Variants in SUGCT observed in about 807,000 individuals in gnomAD.
SUGCT encodes succinyl-CoA:glutarate-CoA transferase, also known as succinyl-CoA:glutarate CoA-transferase.
A neutral mutation model predicts 55.0 loss-of-function variants in SUGCT; 41 were observed. The observed-to-expected ratio is 0.74, with a 90% CI of 0.58 to 0.97. The LOEUF is 0.97. Among genes scored for constraint, SUGCT ranks in the 50% least tolerant of loss-of-function variants. The pLI is 0.00. For synonymous variants in SUGCT, 187 were observed against 200.4 expected (o/e 0.93, Z 0.56); for missense variants, 568 against 547.8 (o/e 1.04, Z -0.37).
intron 1 of SUGCT, among the ~76,000 whole-genome samples, chr7:40,146,444 A>C: frequency 6.6e-6 from 1 of 152,240 alleles, no homozygotes; most frequent in Non-Finnish European, 1.5e-5. Flanking sequence ...TAGGGGTCTC[A>C]CAGCCTTCAG....
downstream of SUGCT, among the ~76,000 whole-genome samples, chr7:40,861,993 A>G (rs932011519): frequency 2.6e-5 from 4 of 152,232 alleles, no homozygotes; most frequent in African/African-American, 7.2e-5. Context: ...TACATTTAAT[A>G]TGAAAAATGG....
At chr7:40,898,987 A>AG in the SUGCT span, among the ~76,000 whole-genome samples, 2 of 151,840 alleles carry the variant, frequency 1.3e-5, no homozygotes, top group African/African-American at 4.8e-5. Flanking sequence ...GGGGCTGGGG[A>AG]GGGGGGTCTA....
chr7:40,368,949 CA>C (rs1246198572), intron 9 of SUGCT, among the ~76,000 whole-genome samples: 3 of 151,872 alleles, frequency 2.0e-5, no homozygotes, highest in Non-Finnish European at 4.4e-5. Context: ...ACTAAAAATA[CA>C]AAAATTAGCT....
At chr7:40,346,725 T>G (rs1347193802) in intron 9 of SUGCT, among the ~76,000 whole-genome samples, 1 of 152,068 alleles carries the variant, frequency 6.6e-6, no homozygotes, top group Non-Finnish European at 1.5e-5. Flanking sequence ...AAGGAAGTAA[T>G]TATGGTTAAA....
chr7:40,712,310 A>G (rs1785767991), intron 12 of SUGCT, among the ~76,000 whole-genome samples: 1 of 152,224 alleles, frequency 6.6e-6, no homozygotes, highest in Admixed American at 6.5e-5. Flanking sequence ...CCTCCTCTTA[A>G]CCACAAGTAA....
intron 11 of SUGCT, among the ~76,000 whole-genome samples, chr7:40,479,184 A>G (rs1009609485): frequency 2.6e-5 from 4 of 152,164 alleles, no homozygotes; most frequent in African/African-American, 9.7e-5. Context: ...GCATGCTGAA[A>G]TGAACATGAG....
intron 1 of SUGCT, among the ~76,000 whole-genome samples, chr7:40,173,912 C>CGT (rs1163266771): frequency 1.9e-5 from 2 of 107,442 alleles, no homozygotes; most frequent in Admixed American, 9.7e-5. Flanking sequence ...TAATGTATAT[C>CGT]CTGTGTGTGT....
the SUGCT span, among the ~76,000 whole-genome samples, chr7:41,022,871 A>T: frequency 1.3e-5 from 2 of 152,238 alleles, no homozygotes; most frequent in Non-Finnish European, 2.9e-5. Flanking sequence ...AGTATTTGTC[A>T]TAAATATAAA....
intron 12 of SUGCT, among the ~76,000 whole-genome samples, chr7:40,542,866 G>GTA (rs1794772488): frequency 6.6e-6 from 1 of 152,120 alleles, no homozygotes; most frequent in Non-Finnish European, 1.5e-5. Flanking sequence ...AAACATGGGG[G>GTA]AAATGGCCAT....
the SUGCT span, among the ~76,000 whole-genome samples, chr7:40,890,741 G>A: frequency 6.6e-6 from 1 of 152,174 alleles, no homozygotes; most frequent in Non-Finnish European, 1.5e-5. Context: ...TTCTTCAGAT[G>A]CATAGCCACA....
chr7:40,901,380 A>G, the SUGCT span, among the ~76,000 whole-genome samples: 1 of 152,176 alleles, frequency 6.6e-6, no homozygotes, highest in East Asian at 1.9e-4. Flanking sequence ...GTTTCAACTT[A>G]TGGGGAATTT....
chr7:40,683,024 C>CTTT, intron 12 of SUGCT, among the ~76,000 whole-genome samples: 1 of 151,918 alleles, frequency 6.6e-6, no homozygotes, highest in Non-Finnish European at 1.5e-5. Context: ...GATTCCTTTG[C>CTTT]ATTTTTTTAA....
At chr7:40,843,732 G>A (rs149676215) in intron 13 of SUGCT, among the ~76,000 whole-genome samples, 33 of 152,094 alleles carry the variant, frequency 2.2e-4, no homozygotes, top group African/African-American at 7.2e-4. Flanking sequence ...GAAGGCACAG[G>A]GTGGCTTGGT....
chr7:40,985,233 C>A, the SUGCT span, among the ~76,000 whole-genome samples: 340 of 152,254 alleles, frequency 2.2e-3, 1 homozygote, highest in Non-Finnish European at 1.9e-3. Flanking sequence ...TTGTTCCTTT[C>A]TAGTGAGGAG....
chr7:40,274,686 GT>G, intron 8 of SUGCT, 30 bp downstream of exon 8: 1 of 1,608,468 alleles, frequency 6.2e-7, no homozygotes, highest in Non-Finnish European at 8.5e-7. Flanking sequence ...TTCAGATAAT[GT>G]TATAAAAACT....
chr7:40,622,336 A>C (rs1799299182), intron 12 of SUGCT, among the ~76,000 whole-genome samples: 1 of 152,074 alleles, frequency 6.6e-6, no homozygotes. Context: ...CTTGATGATA[A>C]ATTTGTGAGT....
At chr7:40,955,680 A>T in the SUGCT span, among the ~76,000 whole-genome samples, 1 of 151,820 alleles carries the variant, frequency 6.6e-6, no homozygotes, top group Non-Finnish European at 1.5e-5. Flanking sequence ...GTTGAATAGG[A>T]GTGAGAGAGG....
intron 9 of SUGCT, among the ~76,000 whole-genome samples, chr7:40,334,821 C>A (rs1328039578): frequency 6.6e-6 from 1 of 152,098 alleles, no homozygotes; most frequent in East Asian, 1.9e-4. Context: ...ACATGTAGTC[C>A]TTGCCCATGC....
At chr7:40,383,180 G>T (rs1784955697) in intron 9 of SUGCT, among the ~76,000 whole-genome samples, 1 of 152,112 alleles carries the variant, frequency 6.6e-6, no homozygotes, top group Non-Finnish European at 1.5e-5. Context: ...CAAGGGGTAT[G>T]GGGACTTGTG....
Sources: allele counts gnomAD v4.1 joint callset (sites outside exome capture counted in the v4.1 genomes callset), GRCh38; gene constraint gnomAD v4.1.1; transcripts MANE v1.5; gene names NCBI Gene and HGNC (gene_info 2026-07-23, HGNC 2026-07-21).